Variants in PLXNA4 observed in about 807,000 individuals in gnomAD.
PLXNA4 encodes plexin-A4.
Under a neutral mutation model 191.8 loss-of-function variants are expected in PLXNA4, and 44 were observed. That is an observed-to-expected ratio of 0.23 (90% confidence interval 0.18 to 0.29). PLXNA4 has a LOEUF of 0.29. PLXNA4 is among the 10% of genes least tolerant of loss of function. The pLI, the probability that PLXNA4 is intolerant of heterozygous loss-of-function variation, is 1.00. For missense variants in PLXNA4, 1,800 were observed against 2,488.8 expected, an observed-to-expected ratio of 0.72 and a Z score of 5.89; for synonymous variants, 1,082 against 1,009.5, an observed-to-expected ratio of 1.07 and a Z score of -1.36.
intron 3 of PLXNA4, among the ~76,000 whole-genome samples, chr7:132,486,504 G>C (rs553759232): frequency 6.6e-6 from 1 of 152,196 alleles, no homozygotes; most frequent in Non-Finnish European, 1.5e-5. Flanking sequence ...CTGCAGGCAC[G>C]GGAGCCGGGC....
chr7:132,360,236 A>G (rs1441864536), intron 3 of PLXNA4, among the ~76,000 whole-genome samples: 1 of 152,148 alleles, frequency 6.6e-6, no homozygotes, highest in African/African-American at 2.4e-5. Flanking sequence ...ACGGTCTCAG[A>G]GGGTGGGAGA....
At chr7:132,407,694 G>C (rs1794280738) in intron 3 of PLXNA4, among the ~76,000 whole-genome samples, 1 of 152,204 alleles carries the variant, frequency 6.6e-6, no homozygotes, top group Admixed American at 6.5e-5. Context: ...AGTCAGTTGG[G>C]CTAAATGGGG....
chr7:132,185,564 C>T, intron 15 of PLXNA4, 101 bp from the exon 16 acceptor site: 1 of 1,473,514 alleles, frequency 6.8e-7, no homozygotes, highest in Non-Finnish European at 9.0e-7. Context: ...TCAGGATGCT[C>T]AGAGGCCATG....
chr7:132,303,936 C>T (rs770716066), intron 3 of PLXNA4, among the ~76,000 whole-genome samples: 4 of 152,180 alleles, frequency 2.6e-5, no homozygotes, highest in Non-Finnish European at 4.4e-5. Flanking sequence ...ATCAGCCCAG[C>T]TCCAGGCGAG....
chr7:132,396,462 G>T (rs1318686378), intron 3 of PLXNA4, among the ~76,000 whole-genome samples: 1 of 152,106 alleles, frequency 6.6e-6, no homozygotes, highest in Non-Finnish European at 1.5e-5. Context: ...CTGATTAGTG[G>T]CAGGGCTGGA....
intron 4 of PLXNA4, among the ~76,000 whole-genome samples, chr7:132,293,558 T>C (rs942650698): frequency 6.6e-6 from 1 of 152,174 alleles, no homozygotes; most frequent in African/African-American, 2.4e-5. Context: ...CCAAACCATA[T>C]CACCTGTCAT....
At chr7:132,238,672 C>T (rs1217845069) in intron 5 of PLXNA4, among the ~76,000 whole-genome samples, 1 of 152,216 alleles carries the variant, frequency 6.6e-6, no homozygotes, top group Non-Finnish European at 1.5e-5. Context: ...CAGAATAAAA[C>T]ATGGTGCCAG....
chr7:132,460,413 T>C (rs187782783), intron 3 of PLXNA4, among the ~76,000 whole-genome samples: 1 of 152,246 alleles, frequency 6.6e-6, no homozygotes, highest in Non-Finnish European at 1.5e-5. Context: ...TCTAAATATT[T>C]TCAAAAATAG....
At chr7:132,423,752 T>C (rs1386910761) in intron 3 of PLXNA4, among the ~76,000 whole-genome samples, 2 of 152,166 alleles carry the variant, frequency 1.3e-5, no homozygotes, top group African/African-American at 2.4e-5. Context: ...ACAGAGCTGA[T>C]TGTGACTGGT....
intron 3 of PLXNA4, among the ~76,000 whole-genome samples, chr7:132,476,994 A>T (rs1797154547): frequency 6.6e-6 from 1 of 152,210 alleles, no homozygotes; most frequent in Non-Finnish European, 1.5e-5. Context: ...TTAGTTTTTT[A>T]AAAATCTTCA....
chr7:132,127,947 TTTC>T lies in PLXNA4; in HGVS notation c.*2529_*2531del, dbSNP rs1387220571. Reference sequence around the variant, plus strand: ...TTCAGCAGAACCGTGATAAGTCTTTTTTCTTTTTTTTTTCTGCTTGTTTGATTT... The same window carrying T: ...TTCAGCAGAACCGTGATAAGTCTTTTTTTTTTTTTTCTGCTTGTTTGATTT... On this transcript the variant is annotated 3_prime_UTR_variant, in exon 32 of 32. Coordinates refer to ENST00000321063, the MANE Select transcript of PLXNA4 (RefSeq NM_020911.2). 1 of 151,310 alleles carries T rather than the reference TTTC, an allele frequency of 6.6e-6. No individual in the cohort carries two copies. The highest frequency in any genetic ancestry group is 6.6e-5 in the Admixed American group (1 of 15,236). 9.4% of individuals were successfully genotyped at this position (151,310 alleles called of 1,614,324 possible).
chr7:132,306,258 G>A (rs1584969729), intron 3 of PLXNA4, among the ~76,000 whole-genome samples: 1 of 152,184 alleles, frequency 6.6e-6, no homozygotes, highest in East Asian at 1.9e-4. Context: ...CAGTCAGTTT[G>A]CAAAAGGGAG....
At chr7:132,553,453 A>C (rs1004531680) in intron 1 of PLXNA4, among the ~76,000 whole-genome samples, 77 of 152,286 alleles carry the variant, frequency 5.1e-4, no homozygotes, top group African/African-American at 1.8e-3. Flanking sequence ...GACAGGGTAC[A>C]TGAAAATTAA....
intron 3 of PLXNA4, among the ~76,000 whole-genome samples, chr7:132,482,948 C>G (rs1447530520): frequency 6.6e-6 from 1 of 152,078 alleles, no homozygotes; most frequent in Non-Finnish European, 1.5e-5. Flanking sequence ...GCCTCAGCCT[C>G]CCAAAGTGCT....
chr7:132,152,570 G>A (rs1485449770), intron 25 of PLXNA4, among the ~76,000 whole-genome samples: 2 of 152,312 alleles, frequency 1.3e-5, no homozygotes, highest in Admixed American at 6.5e-5. Flanking sequence ...TATAAAAAAT[G>A]TCACTAAAAA....
At chr7:132,526,977 A>G (rs1320982930) in intron 1 of PLXNA4, among the ~76,000 whole-genome samples, 1 of 151,780 alleles carries the variant, frequency 6.6e-6, no homozygotes, top group Non-Finnish European at 1.5e-5. Context: ...TAACTTGGAA[A>G]CCCCATTGAC....
rs370180903 is a variant in PLXNA4 at position 132,211,335 on chromosome 7, C to T, written c.2098-192G>A. ...AAATGAAACTGAGGAATCCGAAGTC[C>T]TAGTGTCATATCTTGAGGTGGTCCC... is the stretch of plus-strand genomic sequence containing the variant. On this transcript the variant is annotated intron_variant, in intron 9 of 31. Transcript: ENST00000321063. Among the ~76,000 whole-genome samples, 243 of 152,350 alleles carry T rather than the reference C, an allele frequency of 1.6e-3. 10 individuals carry two copies. The South Asian group carries it at 0.044, about 28-fold the overall frequency.
At chr7:132,391,523 G>T (rs1179446176) in intron 3 of PLXNA4, among the ~76,000 whole-genome samples, 1 of 152,226 alleles carries the variant, frequency 6.6e-6, no homozygotes, top group Non-Finnish European at 1.5e-5. Flanking sequence ...GCCTGAGGGA[G>T]CAAAGAATGG....
At position 132,147,887 on chromosome 7, in the gene PLXNA4, G is replaced by A. The variant is rs941983081; in HGVS notation, c.4864+13C>T. 6 of 1,613,882 alleles carry A rather than the reference G, an allele frequency of 3.7e-6. No individual in the cohort carries two copies. Among genetic ancestry groups the A allele is most frequent in the East Asian group, 2.2e-5 (1 of 44,880 alleles). ...ACACCCAGGCCTCCCTAGGACACTCGGTGGGATCTTACCATATTTACTTGC... is the reference window on the plus strand; with the variant it reads ...ACACCCAGGCCTCCCTAGGACACTCAGTGGGATCTTACCATATTTACTTGC... On this transcript the variant is annotated intron_variant, in intron 27 of 31. Transcript: ENST00000321063.
Sources: gnomAD v4.1 joint callset for allele counts (sites outside exome capture counted in the v4.1 genomes callset) on GRCh38, gnomAD v4.1.1 for gene constraint, MANE v1.5 for transcripts, NCBI Gene and HGNC (gene_info 2026-07-23, HGNC 2026-07-21) for gene names.